DNAH6: variants seen among roughly 807,000 people sequenced by gnomAD.
DNAH6 encodes dynein axonemal heavy chain 6.
DNAH6 carries 340 observed loss-of-function variants against 491.4 expected under a neutral mutation model. The observed-to-expected ratio is 0.69, with a 90% confidence interval of 0.63 to 0.76. The LOEUF is 0.76. Among genes scored for constraint, DNAH6 ranks in the 30% least tolerant of loss-of-function variants. DNAH6 has a pLI of 0.00. For synonymous variants in DNAH6, 1,603 were observed against 1,686.1 expected (o/e 0.95, Z 1.21); for missense variants, 4,443 against 4,972.2 (o/e 0.89, Z 3.20).
At chr2:84,500,133 A>T in the DNAH6 span, among the ~76,000 whole-genome samples, 1 of 152,192 alleles carries the variant, frequency 6.6e-6, no homozygotes, top group African/African-American at 2.4e-5. Flanking sequence ...GATTTTCCCC[A>T]ATGCTTTCTC....
chr2:84,648,549 A>AC (rs1248838915), intron 33 of DNAH6, among the ~76,000 whole-genome samples: 2 of 152,178 alleles, frequency 1.3e-5, no homozygotes, highest in Non-Finnish European at 2.9e-5. Context: ...GTTGATTCCA[A>AC]CCCTCATGGA....
At position 84,606,953 on chromosome 2, in the gene DNAH6, ATTTTC is replaced by A; in HGVS notation, c.3175-20_3175-16del. Reference sequence around the variant, plus strand: ...AGCACAAATACTGGGTGCTGCATGTATTTTCTTCCCCTTCCTTTAAAGGTCCTTCT... The same window carrying A: ...AGCACAAATACTGGGTGCTGCATGTATTCCCCTTCCTTTAAAGGTCCTTCT... On this transcript the variant is annotated intron_variant, in intron 20 of 76. Transcript: ENST00000389394. 6.5e-7 allele frequency: 1 copy of A among 1,546,456 alleles called. No homozygotes were observed. Among genetic ancestry groups the A allele is most frequent in the Non-Finnish European group, 8.7e-7 (1 of 1,142,982 alleles).
intron 16 of DNAH6, among the ~76,000 whole-genome samples, chr2:84,590,355 C>T (rs1176403231): frequency 6.6e-6 from 1 of 151,782 alleles, no homozygotes; most frequent in African/African-American, 2.4e-5. Flanking sequence ...ATTAGCTGGG[C>T]GTAGTGGCAG....
At chr2:84,551,956 G>A (rs989570189) in intron 9 of DNAH6, among the ~76,000 whole-genome samples, 1 of 151,912 alleles carries the variant, frequency 6.6e-6, no homozygotes, top group African/African-American at 2.4e-5. Flanking sequence ...GCTGAGGCAG[G>A]GGAATTGCTT....
intron 2 of DNAH6, among the ~76,000 whole-genome samples, chr2:84,521,497 T>C (rs191339655): frequency 1.3e-5 from 2 of 152,304 alleles, no homozygotes; most frequent in East Asian, 3.9e-4. Context: ...TTTGTCAATT[T>C]TTGATTTTGT....
intron 68 of DNAH6, among the ~76,000 whole-genome samples, chr2:84,790,201 G>C (rs975869190): frequency 6.6e-6 from 1 of 152,126 alleles, no homozygotes; most frequent in Admixed American, 6.5e-5. Flanking sequence ...TGGGACAATT[G>C]GGTGTCCATA....
chr2:84,548,551 C>T, intron 8 of DNAH6, 134 bp downstream of exon 8: 1 of 945,520 alleles, frequency 1.1e-6, no homozygotes, highest in Non-Finnish European at 1.6e-6. Context: ...ATCAAAGCAT[C>T]ATGTTGTATA....
At chr2:84,602,802 T>G (rs1196352313) in intron 18 of DNAH6, among the ~76,000 whole-genome samples, 4 of 150,634 alleles carry the variant, frequency 2.7e-5, no homozygotes, top group Non-Finnish European at 5.9e-5. Context: ...GCTCTGTTTT[T>G]TTTTTTTTTT....
At position 84,775,260 on chromosome 2, in the gene DNAH6, G is replaced by A. The variant is rs1411595662; in HGVS notation, c.10704-6233G>A. On this transcript the variant is annotated intron_variant, in intron 64 of 76. Transcript: ENST00000389394. ...ATCAAAAGCATTTTCTGTGTCTATT[G>A]AGATGATCATATGCTTTTTTATTTT... is the stretch of plus-strand genomic sequence containing the variant. Among the ~76,000 whole-genome samples the A allele has an allele frequency of 4.6e-5, 7 of 152,228 alleles. No individual in the cohort carries two copies. The East Asian group carries it at 1.3e-3, about 29-fold the overall frequency.
chr2:84,806,618 CAAAAAAAAAAA>C (rs1162301447), intron 71 of DNAH6, among the ~76,000 whole-genome samples: 2 of 38,504 alleles, frequency 5.2e-5, no homozygotes, highest in East Asian at 9.0e-4. Context: ...GACTCAGTCT[CAAAAAAAAAAA>C]AAAAAAAAAA....
chr2:84,709,162 C>G (rs2104864933), intron 54 of DNAH6, among the ~76,000 whole-genome samples, 181 bp from the exon 55 acceptor site: 2 of 152,276 alleles, frequency 1.3e-5, no homozygotes, highest in East Asian at 3.9e-4. Flanking sequence ...AGTCAGAGTA[C>G]CTAGGCCTCC....
At chr2:84,769,923 A>G (rs1161423792) in intron 64 of DNAH6, among the ~76,000 whole-genome samples, 3 of 152,158 alleles carry the variant, frequency 2.0e-5, no homozygotes, top group African/African-American at 7.2e-5. Context: ...GTACTCACAA[A>G]AGACATGAGA....
intron 61 of DNAH6, among the ~76,000 whole-genome samples, chr2:84,731,232 C>T (rs771596053): frequency 5.3e-5 from 8 of 152,190 alleles, no homozygotes; most frequent in Non-Finnish European, 1.0e-4. Context: ...CTCCTGCCTA[C>T]TCCCCACTGC....
intron 71 of DNAH6, among the ~76,000 whole-genome samples, chr2:84,806,960 T>A (rs564075270): frequency 6.6e-6 from 1 of 152,222 alleles, no homozygotes; most frequent in East Asian, 1.9e-4. Flanking sequence ...AGAGTGCTGG[T>A]TGGGAAAAGG....
chr2:84,700,970 A>C, intron 48 of DNAH6, 127 bp from the exon 49 acceptor site: 6 of 1,044,008 alleles, frequency 5.7e-6, no homozygotes, highest in Non-Finnish European at 8.2e-6. Flanking sequence ...AGACATGAGT[A>C]GGAGTTAACT....
At chr2:84,617,700 G>T (rs1412067991) in intron 23 of DNAH6, among the ~76,000 whole-genome samples, 2 of 152,110 alleles carry the variant, frequency 1.3e-5, no homozygotes, top group African/African-American at 4.8e-5. Context: ...GTGCCTGTGT[G>T]TGTGTGTATA....
In DNAH6 at chr2:84,548,366, T is replaced by C; in HGVS notation, c.1265T>C (p.Met422Thr). 1.2e-6 allele frequency: 2 copies of C among 1,613,894 alleles called. No homozygotes were observed. The highest frequency in any genetic ancestry group is 1.7e-6 in the Non-Finnish European group (2 of 1,179,930). Residue 422 changes from methionine to threonine, a missense_variant, in exon 8 of 77, where the codon ATG becomes ACG. Transcript: ENST00000389394. ...ELPTYGDSEKMTYTEQASKRH... is the reference protein window; with the variant it reads ...ELPTYGDSEKTTYTEQASKRH... ...CCCACTTATGGAGACTCTGAGAAAA[T>C]GACATATACAGAACAGGCCAGCAAA...
intron 23 of DNAH6, among the ~76,000 whole-genome samples, chr2:84,618,231 G>A (rs1489713143): frequency 6.6e-6 from 1 of 152,070 alleles, no homozygotes; most frequent in Admixed American, 6.6e-5. Context: ...GGAAATACAG[G>A]CAGAGGTCTC....
At chr2:84,625,198 A>G in intron 29 of DNAH6, 135 bp downstream of exon 29, 1 of 846,892 alleles carries the variant, frequency 1.2e-6, no homozygotes, top group Non-Finnish European at 1.7e-6. Context: ...ATAATGGTTA[A>G]AGTGGAATAA....
Sources: gnomAD v4.1 joint callset for allele counts (sites outside exome capture counted in the v4.1 genomes callset) on GRCh38, gnomAD v4.1.1 for gene constraint, MANE v1.5 for transcripts, NCBI Gene and HGNC (gene_info 2026-07-23, HGNC 2026-07-21) for gene names.